The following NDST4 variants were observed in gnomAD, a reference collection of about 807,000 sequenced individuals.
The protein encoded by NDST4 is N-heparan sulfate sulfotransferase 4.
In NDST4, 63 loss-of-function variants were observed where a neutral mutation model predicts 100.8. The observed-to-expected ratio is 0.62, with a 90% CI of 0.51 to 0.77. The LOEUF is 0.77. NDST4 is among the 30% of genes least tolerant of loss of function. The pLI is 0.00. For missense variants in NDST4, 943 were observed against 1,018.4 expected (o/e 0.93, Z 1.01); for synonymous variants, 377 against 361.8 (o/e 1.04, Z -0.48).
chr4:114,941,093 T>G (rs914102032), intron 4 of NDST4, among the ~76,000 whole-genome samples: 1 of 152,234 alleles, frequency 6.6e-6, no homozygotes, highest in Non-Finnish European at 1.5e-5. Context: ...TACCTAGTAT[T>G]TTCCTGCCTC....
In NDST4 at chr4:114,852,821, T is replaced by G; in HGVS notation, c.1720A>C (p.Asn574His). The G allele has an allele frequency of 6.2e-7, 1 of 1,606,368 alleles. No homozygotes were observed. Among genetic ancestry groups the G allele is most frequent in the Non-Finnish European group, 8.5e-7 (1 of 1,175,058 alleles). ...FPEQKDPLWQ[N>H]PCDDKRHKDI... is the part of the protein sequence containing the mutation. ...TTGTGTCGTTTATCATCACATGGAT[T>G]CTGCAAGAAGGAAGAATAAGTAACC... Residue 574 changes from asparagine (N) to histidine (H), a missense_variant and splice_region_variant, in exon 8 of 14, where the codon AAT (asparagine) becomes CAT (histidine). By Grantham distance (68) the Asn-to-His change is moderately conservative. Coordinates refer to ENST00000264363, the MANE Select transcript of NDST4 (RefSeq NM_022569.3).
At chr4:114,836,551 T>A (rs11930181) in intron 11 of NDST4, among the ~76,000 whole-genome samples, 1 of 152,118 alleles carries the variant, frequency 6.6e-6, no homozygotes, top group Non-Finnish European at 1.5e-5. Context: ...CCTTAACATT[T>A]TTTTCTTCGT....
chr4:114,981,489 C>T (rs1436046668), intron 2 of NDST4, among the ~76,000 whole-genome samples: 3 of 152,216 alleles, frequency 2.0e-5, no homozygotes, highest in African/African-American at 4.8e-5. Flanking sequence ...TTCTAATAAA[C>T]GTCGAGCAAT....
intron 6 of NDST4, among the ~76,000 whole-genome samples, chr4:114,905,512 T>C (rs903590130): frequency 1.3e-5 from 2 of 152,062 alleles, no homozygotes; most frequent in Middle Eastern, 3.4e-3. Context: ...ATTTGAAATA[T>C]AAAAATATAA....
chr4:114,988,518 C>T (rs1726964045), intron 2 of NDST4, among the ~76,000 whole-genome samples: 1 of 151,554 alleles, frequency 6.6e-6, no homozygotes, highest in Admixed American at 6.6e-5. Context: ...CCCGCCACCA[C>T]GCCTGGCTAA....
At chr4:115,107,093 G>A (rs1282254619) in intron 1 of NDST4, among the ~76,000 whole-genome samples, 1 of 152,078 alleles carries the variant, frequency 6.6e-6, no homozygotes, top group Non-Finnish European at 1.5e-5. Context: ...AGGAGTTTGA[G>A]GTTGTAGTAT....
In NDST4 at chr4:115,022,119, C is replaced by CAT. The variant is rs201508045; in HGVS notation, c.979-44847_979-44846dup. 4.5e-3 allele frequency among the ~76,000 whole-genome samples: 591 copies of CAT among 129,898 alleles called. 15 individuals are homozygous for CAT. The highest frequency in any genetic ancestry group is 0.022 in the African/African-American group (558 of 24,872). 85.2% of individuals were successfully genotyped at this position (129,898 alleles called of 152,430 possible). A position where few individuals can be genotyped will look rare whatever the true frequency, so the allele number is the denominator to read the frequency against. On this transcript the variant is annotated intron_variant, in intron 2 of 13. Transcript: ENST00000264363. ...ACACGTTCCACGTCTATACACGTTCCATATATATATACGTTCCACGTCTAT... is the reference window on the plus strand; with the variant it reads ...ACACGTTCCACGTCTATACACGTTCCATATATATATATACGTTCCACGTCTAT...
intron 6 of NDST4, among the ~76,000 whole-genome samples, chr4:114,933,219 G>C (rs889340091): frequency 1.3e-5 from 2 of 151,974 alleles, no homozygotes; most frequent in Non-Finnish European, 2.9e-5. Flanking sequence ...TACAGAATGA[G>C]GAAAGAACAG....
Position 115,062,844 on chromosome 4 carries a change from G to A in NDST4, c.978+13215C>T, listed in dbSNP as rs139492130. Among the ~76,000 whole-genome samples the A allele has an allele frequency of 4.6e-3, 704 of 151,906 alleles. 9 individuals carry two copies. The highest frequency in any genetic ancestry group is 0.015 in the African/African-American group (639 of 41,480). The stretch of plus-strand genomic sequence containing the variant: ...ATTAGTTTAGTAAACTAGGGCTATA[G>A]GTATCAATGTGGGTGAGCCATACGA... On this transcript the variant is annotated intron_variant, in intron 2 of 13. Transcript: ENST00000264363.
chr4:114,920,725 T>C (rs147174983), intron 6 of NDST4, among the ~76,000 whole-genome samples: 107 of 152,340 alleles, frequency 7.0e-4, no homozygotes, highest in Middle Eastern at 6.8e-3. Context: ...TCTCTGGTTT[T>C]AGTTAATGTT....
intron 2 of NDST4, among the ~76,000 whole-genome samples, chr4:115,002,572 C>T (rs7663228): frequency 0.34 from 51,787 of 151,572 alleles, 8,883 homozygotes; most frequent in South Asian, 0.49. Flanking sequence ...TCTTTGCTCA[C>T]GCCTATGTCC....
At chr4:114,924,594 A>G (rs1257555475) in intron 6 of NDST4, among the ~76,000 whole-genome samples, 2 of 152,104 alleles carry the variant, frequency 1.3e-5, no homozygotes, top group Non-Finnish European at 2.9e-5. Flanking sequence ...TCCCAATAAC[A>G]TTAATTGCTT....
At chr4:114,979,767 A>G (rs17047537) in intron 2 of NDST4, among the ~76,000 whole-genome samples, 4,049 of 152,160 alleles carry the variant, frequency 0.027, 120 homozygotes, top group African/African-American at 0.067. Flanking sequence ...AAAAAGAGCT[A>G]TCTAGTCATG....
chr4:114,865,106 C>A (rs1723998817), intron 7 of NDST4, among the ~76,000 whole-genome samples: 1 of 151,714 alleles, frequency 6.6e-6, no homozygotes, highest in African/African-American at 2.4e-5. Flanking sequence ...ACTCCATCAC[C>A]CAGGCTGGAG....
chr4:114,989,161 T>C lies in NDST4; in HGVS notation c.979-11887A>G, dbSNP rs115407909. On this transcript the variant is annotated intron_variant, in intron 2 of 13. Transcript: ENST00000264363. Reference sequence around the variant, plus strand: ...AGTCTACCAAGTGATTTTCTGTAGATGAAGGGAAGCTAGTGAGACACTCAT... The same window carrying C: ...AGTCTACCAAGTGATTTTCTGTAGACGAAGGGAAGCTAGTGAGACACTCAT... 7.4e-3 allele frequency among the ~76,000 whole-genome samples: 1,131 copies of C among 152,254 alleles called. 15 individuals carry two copies. Among genetic ancestry groups the C allele is most frequent in the Middle Eastern group, 0.017 (5 of 294 alleles).
At position 114,850,288 on chromosome 4, in the gene NDST4, G is replaced by A. The variant is rs180866946; in HGVS notation, c.1817-1950C>T. 7.2e-5 allele frequency among the ~76,000 whole-genome samples: 11 copies of A among 152,106 alleles called. No individual in the cohort carries two copies. In the East Asian group the frequency reaches 9.7e-4, roughly 13 times the overall value. On this transcript the variant is annotated intron_variant, in intron 8 of 13. Coordinates refer to ENST00000264363, the MANE Select transcript of NDST4 (RefSeq NM_022569.3). Reference sequence around the variant, plus strand: ...TAATTACCCTGTTGGTCACATAATCGTACCCCGATCTCCCCTGGCCTACAG... The same window carrying A: ...TAATTACCCTGTTGGTCACATAATCATACCCCGATCTCCCCTGGCCTACAG...
At chr4:114,977,700 A>T (rs1204257983) in intron 2 of NDST4, among the ~76,000 whole-genome samples, 1 of 151,958 alleles carries the variant, frequency 6.6e-6, no homozygotes, top group African/African-American at 2.4e-5. Context: ...TTAATATTTT[A>T]TTTAACTGGG....
At position 115,077,157 on chromosome 4, in the gene NDST4, T is replaced by G; in HGVS notation, c.-121A>C. 1 of 958,614 alleles carries G rather than the reference T, an allele frequency of 1.0e-6. No individual in the cohort carries two copies. Among genetic ancestry groups the G allele is most frequent in the Non-Finnish European group, 1.5e-6 (1 of 664,068 alleles). 59.4% of individuals were successfully genotyped at this position (958,614 alleles called of 1,614,324 possible). ...GAGTTCATGTAACCATCGCAAATCA[T>G]GTAAAATGTTTGAAGGGAGCACAAC... On this transcript the variant is annotated 5_prime_UTR_variant, in exon 2 of 14. The change abolishes an upstream ATG in the 5' untranslated region. Transcript: ENST00000264363.
At chr4:114,939,205 G>T (rs1244390106) in intron 4 of NDST4, among the ~76,000 whole-genome samples, 1 of 152,150 alleles carries the variant, frequency 6.6e-6, no homozygotes, top group Admixed American at 6.5e-5. Context: ...TTGCAAGCTT[G>T]TGGATGCATT....
Sources: allele counts gnomAD v4.1 joint callset (sites outside exome capture counted in the v4.1 genomes callset), GRCh38; gene constraint gnomAD v4.1.1; transcripts MANE v1.5; gene names NCBI Gene and HGNC (gene_info 2026-07-23, HGNC 2026-07-21).